Variants in KIF4A observed in about 807,000 individuals in gnomAD.
KIF4A encodes chromosome-associated kinesin KIF4A.
Under a neutral mutation model 105.9 loss-of-function variants are expected in KIF4A, and 7 were observed. The observed-to-expected ratio is 0.07, with a 90% confidence interval of 0.04 to 0.12. KIF4A has a LOEUF of 0.12. KIF4A is among the 10% of genes least tolerant of loss of function. The pLI, the probability that KIF4A is intolerant of heterozygous loss-of-function variation, is 1.00. For missense variants in KIF4A, 558 were observed against 929.2 expected, an observed-to-expected ratio of 0.60 and a Z score of 5.19; for synonymous variants, 281 against 331.3, an observed-to-expected ratio of 0.85 and a Z score of 1.65.
At chrX:70,368,189 G>T (rs2086113367) in intron 15 of KIF4A, among the ~76,000 whole-genome samples, 1 of 111,525 alleles carries the variant, frequency 9.0e-6, no homozygotes, top group Non-Finnish European at 1.9e-5. Context: ...CTTTGTCATG[G>T]GTTCGAACTT....
chrX:70,416,790 A>G lies in KIF4A; in HGVS notation c.3256-1098A>G, dbSNP rs1391906002. 2.7e-5 allele frequency among the ~76,000 whole-genome samples: 3 copies of G among 112,768 alleles called. No individual in the cohort carries two copies. In the East Asian group the frequency reaches 8.3e-4, roughly 31 times the overall value. On this transcript the variant is annotated intron_variant, in intron 28 of 30. Coordinates refer to ENST00000374403, the MANE Select transcript of KIF4A (RefSeq NM_012310.5). ...TGATTCTTTTATCTTACATATTACT[A>G]ATCCTTCCAGCTTTCTGTCATTGTT...
At chrX:70,316,345 T>C (rs867715285) in intron 7 of KIF4A, among the ~76,000 whole-genome samples, 1 of 111,259 alleles carries the variant, frequency 9.0e-6, no homozygotes, top group Non-Finnish European at 1.9e-5. Flanking sequence ...CTATTCAAAG[T>C]ATTTCTCTTT....
In KIF4A at chrX:70,329,561, A is replaced by G. The variant is rs746905881; in HGVS notation, c.895+40A>G. 4.8e-6 allele frequency: 5 copies of G among 1,048,489 alleles called. No individual in the cohort carries two copies. The Admixed American group carries it at 1.1e-4, about 23-fold the overall frequency. The allele number at this position is 1,048,489 out of a possible 1,213,427, so 86.4% of individuals were successfully genotyped here. On this transcript the variant is annotated intron_variant, in intron 8 of 30. Transcript: ENST00000374403. ...CCTCCAAAAATAAGAGAGTAACTCA[A>G]AATGATAGTGCTGAGACAGCAAAGA...
At chrX:70,305,056 A>G (rs1265532276) in intron 7 of KIF4A, among the ~76,000 whole-genome samples, 1 of 111,483 alleles carries the variant, frequency 9.0e-6, no homozygotes, top group Non-Finnish European at 1.9e-5. Flanking sequence ...CTCTGTTATG[A>G]ACTTCTGTGT....
At chrX:70,389,705 C>T (rs2086231081) in intron 20 of KIF4A, among the ~76,000 whole-genome samples, 1 of 112,366 alleles carries the variant, frequency 8.9e-6, no homozygotes, top group Admixed American at 9.4e-5. Context: ...AATTAAATAT[C>T]CATACATCTA....
Position 70,420,247 on chromosome X carries a change from C to T in KIF4A, c.3681C>T (p.Ile1227=), listed in dbSNP as rs770853337. ...NTSFFSGCSP[I]EEEAH ...GCTTCTTCTCTGGCTGCTCCCCTATCGAAGAAGAGGCCCACTGAAGTTGGA... is the reference window on the plus strand; with the variant it reads ...GCTTCTTCTCTGGCTGCTCCCCTATTGAAGAAGAGGCCCACTGAAGTTGGA... The change falls in exon 31 of 31, where the codon ATC becomes ATT. Residue 1227 remains isoleucine (I), a synonymous_variant. Transcript: ENST00000374403. 5.8e-6 allele frequency: 7 copies of T among 1,208,028 alleles called. No individual in the cohort carries two copies. Among genetic ancestry groups the T allele is most frequent in the Middle Eastern group, 5.5e-4 (2 of 3,628 alleles).
intron 24 of KIF4A, 57 bp from the exon 25 acceptor site, chrX:70,404,658 A>G: frequency 1.2e-6 from 1 of 865,932 alleles, no homozygotes; most frequent in African/African-American, 2.0e-5. Flanking sequence ...CTAAGTCAAA[A>G]TTTCTTTTTC....
intron 7 of KIF4A, among the ~76,000 whole-genome samples, chrX:70,327,643 A>G (rs1444585530): frequency 2.7e-5 from 3 of 112,009 alleles, no homozygotes; most frequent in Non-Finnish European, 5.6e-5. Context: ...TCTGTATAAT[A>G]GCTGCCATGG....
intron 20 of KIF4A, among the ~76,000 whole-genome samples, chrX:70,387,859 CTG>C (rs2086223921): frequency 9.0e-6 from 1 of 111,672 alleles, no homozygotes; most frequent in Admixed American, 9.5e-5. Flanking sequence ...CAGTGAAACT[CTG>C]TCTCAAAAAG....
At chrX:70,368,186 A>G (rs909293222) in intron 15 of KIF4A, among the ~76,000 whole-genome samples, 4 of 111,431 alleles carry the variant, frequency 3.6e-5, no homozygotes, top group Non-Finnish European at 1.9e-5. Context: ...CTTCTTTGTC[A>G]TGGGTTCGAA....
chrX:70,409,014 C>T (rs778649672), intron 28 of KIF4A, among the ~76,000 whole-genome samples: 16 of 111,384 alleles, frequency 1.4e-4, no homozygotes, highest in African/African-American at 2.3e-4. Flanking sequence ...TACAGGTGCC[C>T]GCCACCATGC....
chrX:70,352,514 TA>T (rs1049272626), intron 13 of KIF4A, 85 bp from the exon 14 acceptor site: 48 of 684,373 alleles, frequency 7.0e-5, no homozygotes, highest in Middle Eastern at 3.0e-4. Flanking sequence ...TGTATACACT[TA>T]AAAAAAATTA....
At position 70,417,873 on chromosome X, in the gene KIF4A, A is replaced by C. The variant is rs1446636522; in HGVS notation, c.3256-15A>C. 8.4e-7 allele frequency: 1 copy of C among 1,185,947 alleles called. No homozygotes were observed. The highest frequency in any genetic ancestry group is 1.1e-6 in the Non-Finnish European group (1 of 876,293). On this transcript the variant is annotated splice_polypyrimidine_tract_variant and intron_variant, in intron 28 of 30. Coordinates refer to ENST00000374403, the MANE Select transcript of KIF4A (RefSeq NM_012310.5). ...CCCTTTCAGTAATGTGTCTTTCTGCAAACCTGTTTTGCAGTGTTCCTGCAA... is the reference window on the plus strand; with the variant it reads ...CCCTTTCAGTAATGTGTCTTTCTGCCAACCTGTTTTGCAGTGTTCCTGCAA...
chrX:70,362,516 G>C, intron 15 of KIF4A: 1 of 125,387 alleles, frequency 8.0e-6, no homozygotes, highest in South Asian at 2.7e-4. Context: ...TATCAAATAT[G>C]CTTGATTAAC....
chrX:70,380,307 CA>C (rs538313265), intron 18 of KIF4A, among the ~76,000 whole-genome samples: 29 of 96,571 alleles, frequency 3.0e-4, no homozygotes, highest in South Asian at 4.5e-4. Flanking sequence ...GACACTGTCT[CA>C]AAAAAAAAAA....
chrX:70,359,986 G>C (rs911651438), intron 15 of KIF4A, among the ~76,000 whole-genome samples: 4 of 111,502 alleles, frequency 3.6e-5, no homozygotes, highest in Non-Finnish European at 7.5e-5. Context: ...GGGGAGAGGT[G>C]CTTGGGCTGG....
rs185521113 is a variant in KIF4A at position 70,311,976 on chromosome X, T to A, written c.778+9578T>A. ...CTAAAAAAAAAAAAAGAAAAAAAAA[T>A]ATATATATACACCTAAAAATTAAAT... On this transcript the variant is annotated intron_variant, in intron 7 of 30. Transcript: ENST00000374403. Among the ~76,000 whole-genome samples, 568 of 104,850 alleles carry A rather than the reference T, an allele frequency of 5.4e-3. 26 individuals are homozygous for A. In the East Asian group the frequency reaches 0.093, roughly 17 times the overall value. 91.0% of individuals were successfully genotyped at this position (104,850 alleles called of 115,157 possible). A position where few individuals can be genotyped will look rare whatever the true frequency, so the allele number is the denominator to read the frequency against.
rs770241051 is a variant in KIF4A, at chrX:70,329,280, G to T, written c.779-125G>T. ...TCCAAAAAGTGAACAAGATTAAGAA[G>T]TTTTCTCAAGATTGATGACTCGATA... On this transcript the variant is annotated intron_variant, in intron 7 of 30. Coordinates refer to ENST00000374403, the MANE Select transcript of KIF4A (RefSeq NM_012310.5). The T allele has an allele frequency of 1.4e-3, 891 of 644,270 alleles. 1 individual carries two copies. Among genetic ancestry groups the T allele is most frequent in the Middle Eastern group, 5.9e-3 (11 of 1,870 alleles). The allele number at this position is 644,270 out of a possible 1,213,427, so 53.1% of individuals were successfully genotyped here.
rs1453380611 is a variant in KIF4A at position 70,384,796 on chromosome X, T to C, written c.2035-1822T>C. 6.4e-5 allele frequency among the ~76,000 whole-genome samples: 7 copies of C among 109,574 alleles called. No homozygotes were observed. The East Asian group carries it at 1.2e-3, about 18-fold the overall frequency. On this transcript the variant is annotated intron_variant, in intron 18 of 30. Transcript: ENST00000374403. ...AATGAGATAATGGAGACAGAGAATA[T>C]ATAGAAAAAGAAGGCTAAGAAGAGA... is the stretch of plus-strand genomic sequence containing the variant.
Sources: allele counts gnomAD v4.1 joint callset (sites outside exome capture counted in the v4.1 genomes callset), GRCh38; gene constraint gnomAD v4.1.1; transcripts MANE v1.5; gene names NCBI Gene and HGNC (gene_info 2026-07-23, HGNC 2026-07-21).